The following PRDM15 variants were observed in gnomAD, a reference collection of about 807,000 sequenced individuals.
PRDM15 encodes PR domain zinc finger protein 15.
In PRDM15, 64 loss-of-function variants were observed where a neutral mutation model predicts 128.6. That is an observed-to-expected ratio of 0.50 (90% CI 0.41 to 0.61). PRDM15 has a LOEUF of 0.61. PRDM15 is among the 20% of genes least tolerant of loss of function. PRDM15 has a pLI of 0.00. For missense variants in PRDM15, 1,242 were observed against 1,569.1 expected (o/e 0.79, Z 3.52); for synonymous variants, 615 against 621.8 (o/e 0.99, Z 0.16).
chr21:41,809,306 C>G (rs1278568167), intron 21 of PRDM15, among the ~76,000 whole-genome samples: 3 of 149,726 alleles, frequency 2.0e-5, no homozygotes, highest in Non-Finnish European at 4.4e-5. Flanking sequence ...AATCTCGGCT[C>G]ACTGCAACCT....
chr21:41,804,492 T>C, intron 22 of PRDM15, 42 bp downstream of exon 22: 1 of 1,479,726 alleles, frequency 6.8e-7, no homozygotes, highest in South Asian at 1.2e-5. Flanking sequence ...GGTGTCCACT[T>C]ACCCCAAAGT....
At position 41,821,908 on chromosome 21, in the gene PRDM15, A is replaced by C. The variant is rs773490049; in HGVS notation, c.1891T>G (p.Cys631Gly). 6.2e-7 allele frequency: 1 copy of C among 1,614,114 alleles called. No individual in the cohort carries two copies. Among genetic ancestry groups the C allele is most frequent in the Non-Finnish European group, 8.5e-7 (1 of 1,180,034 alleles). ...SEPHKYSCKR[C>G]QLTFGRGKEY... ...GCGGGGCAAACCCGCCATACCTGGCACCGCTTGCAGCTGTACTTGTGAGGC... is the reference window on the plus strand; with the variant it reads ...GCGGGGCAAACCCGCCATACCTGGCCCCGCTTGCAGCTGTACTTGTGAGGC... The change falls in exon 15 of 24, where the codon TGC (cysteine) becomes GGC (glycine). Residue 631 changes from cysteine (C) to glycine (G), a missense_variant. Transcript: ENST00000398548. The surrounding 1 kb of genome is among the most constrained non-coding windows in gnomAD (Gnocchi z 5.4).
At chr21:41,875,313 G>A (rs146437718) in intron 1 of PRDM15, among the ~76,000 whole-genome samples, 156 of 152,372 alleles carry the variant, frequency 1.0e-3, no homozygotes, top group African/African-American at 3.6e-3. Context: ...GCATCCTGGC[G>A]GCCCCTCGCC....
In PRDM15 at chr21:41,825,938, C is replaced by T. The variant is rs78950296; in HGVS notation, c.1629+22G>A. ...ATGATGTGCTTTCCATCTCAGCGTC[C>T]GACGTGGACTGCGAGCATTACCTTG... is the stretch of plus-strand genomic sequence containing the variant. On this transcript the variant is annotated intron_variant, in intron 13 of 23. Coordinates refer to ENST00000398548, the MANE Select transcript of PRDM15 (RefSeq NM_001040424.3). 4.7e-5 allele frequency: 74 copies of T among 1,564,564 alleles called. No individual in the cohort carries two copies. In the East Asian group the frequency reaches 7.2e-4, roughly 15 times the overall value.
chr21:41,867,887 T>A (rs1371965708), intron 1 of PRDM15, among the ~76,000 whole-genome samples: 1 of 152,102 alleles, frequency 6.6e-6, no homozygotes, highest in South Asian at 2.1e-4. Context: ...CAAAACCCCA[T>A]CTCCACTAAA....
At chr21:41,843,840 T>C (rs1453293489) in intron 6 of PRDM15, among the ~76,000 whole-genome samples, 1 of 151,906 alleles carries the variant, frequency 6.6e-6, no homozygotes, top group African/African-American at 2.4e-5. Context: ...TTCCAGCTAC[T>C]TGGGAGGTCA....
rs138808897 is a variant in PRDM15, at chr21:41,859,884, G to A, written c.38-199C>T. Among the ~76,000 whole-genome samples the A allele has an allele frequency of 5.3e-5, 8 of 152,214 alleles. No individual in the cohort carries two copies. The highest frequency in any genetic ancestry group is 9.6e-5 in the African/African-American group (4 of 41,530). ...GTCCCGAAGGCCTCTGTCAGCACTC[G>A]TGCACACATGAGGAGTGCAAAGGCA... On this transcript the variant is annotated intron_variant, in intron 2 of 23. Transcript: ENST00000398548. The surrounding 1 kb of genome is among the most constrained non-coding windows in gnomAD (Gnocchi z 5.3).
rs186714233 is a variant in PRDM15, at chr21:41,874,203, G to A, written c.-10+5067C>T. Among the ~76,000 whole-genome samples the A allele has an allele frequency of 6.1e-4, 93 of 152,046 alleles. 2 individuals are homozygous for A. The highest frequency in any genetic ancestry group is 1.9e-3 in the African/African-American group (80 of 41,484). On this transcript the variant is annotated intron_variant, in intron 1 of 23. Transcript: ENST00000398548. ...AGGACTGACTCCTACTTAACGATGA[G>A]GCTTGTGCGACCCTAGAGGGCTTGG...
chr21:41,878,578 G>T, intron 1 of PRDM15: 2 of 521,308 alleles, frequency 3.8e-6, no homozygotes, highest in Non-Finnish European at 6.2e-6. Context: ...CCCCGTCCCC[G>T]AACGGCCACC....
chr21:41,833,947 G>A (rs1279036859), intron 11 of PRDM15, among the ~76,000 whole-genome samples: 4 of 152,320 alleles, frequency 2.6e-5, no homozygotes, highest in East Asian at 3.9e-4. Context: ...GCAGGACTGC[G>A]GGGACCCCAA....
Position 41,854,570 on chromosome 21 carries a change from G to A in PRDM15, c.534C>T (p.Val178=), listed in dbSNP as rs774882702. 6 of 1,612,946 alleles carry A rather than the reference G, an allele frequency of 3.7e-6. No individual in the cohort carries two copies. In the East Asian group the frequency reaches 1.1e-4, roughly 30 times the overall value. Reference sequence around the variant, plus strand: ...GGATCGGGGGCCGCCACATACCGTGGACGCCAGAGCCGGCCTGCTTCAGCA... The same window carrying A: ...GGATCGGGGGCCGCCACATACCGTGAACGCCAGAGCCGGCCTGCTTCAGCA... ...KPMLKQAGSG[V]HAAGTPENSA... The change falls in exon 5 of 24, where the codon GTC becomes GTT. Residue 178 remains valine (V), a synonymous_variant. Transcript: ENST00000398548. The surrounding 1 kb of genome is among the most constrained non-coding windows in gnomAD (Gnocchi z 4.6).
chr21:41,836,782 C>T (rs116116070), intron 8 of PRDM15, 133 bp from the exon 9 acceptor site: 33,216 of 672,724 alleles, frequency 0.049, 1,076 homozygotes, highest in South Asian at 0.11. Flanking sequence ...GGAGGGAATG[C>T]GCCCGGGCGT....
intron 1 of PRDM15, chr21:41,861,499 C>T: frequency 3.6e-6 from 5 of 1,395,428 alleles, no homozygotes; most frequent in Admixed American, 1.9e-5. Flanking sequence ...GTGAGATACA[C>T]ACAGTATGTG....
chr21:41,823,221 C>T lies in PRDM15; in HGVS notation c.1761+97G>A, dbSNP rs549639519. 7.7e-4 allele frequency: 1,136 copies of T among 1,476,108 alleles called. 3 individuals carry two copies. Among genetic ancestry groups the T allele is most frequent in the Non-Finnish European group, 9.7e-4 (1,050 of 1,086,500 alleles). The allele number at this position is 1,476,108 out of a possible 1,614,324, so 91.4% of individuals were successfully genotyped here. A position where few individuals can be genotyped will look rare whatever the true frequency, so the allele number is the denominator to read the frequency against. ...GCAGCACATGTCTGCCCAGAAGCTG[C>T]CCTGCCCACAGAACTCTGCTATGGC... On this transcript the variant is annotated intron_variant, in intron 14 of 23. Transcript: ENST00000398548.
chr21:41,816,748 G>C lies in PRDM15; in HGVS notation c.2261-912C>G, dbSNP rs769218561. 1.2e-4 allele frequency among the ~76,000 whole-genome samples: 18 copies of C among 152,286 alleles called. No homozygotes were observed. In the Middle Eastern group the frequency reaches 0.01, roughly 86 times the overall value. ...GAAAACTGCGCGGCTGGGCCAGCAG[G>C]GGGAGCAAAGGCCCCACGATGAAGC... On this transcript the variant is annotated intron_variant, in intron 18 of 23. Transcript: ENST00000398548.
intron 11 of PRDM15, among the ~76,000 whole-genome samples, chr21:41,831,012 A>C (rs28550483): frequency 2.6e-5 from 4 of 152,070 alleles, no homozygotes; most frequent in African/African-American, 9.7e-5. Flanking sequence ...GCAGAGCTGC[A>C]TTCTCCTCCC....
At chr21:41,829,414 CAAAT>C (rs1350198833) in intron 11 of PRDM15, among the ~76,000 whole-genome samples, 8 of 151,820 alleles carry the variant, frequency 5.3e-5, no homozygotes, top group African/African-American at 9.7e-5. Context: ...ACACAATACA[CAAAT>C]AACACCACAC....
intron 1 of PRDM15, among the ~76,000 whole-genome samples, chr21:41,867,127 GC>G (rs1157643399): frequency 6.8e-6 from 1 of 147,122 alleles, no homozygotes; most frequent in Non-Finnish European, 1.5e-5. Flanking sequence ...GACACCCTCA[GC>G]CCAGAAAGCC....
Position 41,821,365 on chromosome 21 carries a change from A to G in PRDM15, c.1897-135T>C. 1 of 1,043,462 alleles carries G rather than the reference A, an allele frequency of 9.6e-7. No homozygotes were observed. The highest frequency in any genetic ancestry group is 1.4e-6 in the Non-Finnish European group (1 of 719,172). The allele number at this position is 1,043,462 out of a possible 1,614,324, so 64.6% of individuals were successfully genotyped here. ...CATGACTCATGCCAGGGTGGAAGGGACTCTCAGAGGCTTGATGGGGAACTT... is the reference window on the plus strand; with the variant it reads ...CATGACTCATGCCAGGGTGGAAGGGGCTCTCAGAGGCTTGATGGGGAACTT... On this transcript the variant is annotated intron_variant, in intron 15 of 23. Coordinates refer to ENST00000398548, the MANE Select transcript of PRDM15 (RefSeq NM_001040424.3). The surrounding 1 kb of genome is among the most constrained non-coding windows in gnomAD (Gnocchi z 5.4).
Sources: allele counts gnomAD v4.1 joint callset (sites outside exome capture counted in the v4.1 genomes callset), GRCh38; gene constraint gnomAD v4.1.1; non-coding constraint Gnocchi (gnomAD v3.1); transcripts MANE v1.5; gene names NCBI Gene and HGNC (gene_info 2026-07-23, HGNC 2026-07-21).